Variants in ADGRB3 observed in about 807,000 individuals in gnomAD.
ADGRB3 encodes the protein adhesion G protein-coupled receptor B3.
ADGRB3 carries 37 observed loss-of-function variants against 193.4 expected under a neutral mutation model. The observed-to-expected ratio is 0.19, with a 90% CI of 0.15 to 0.25. The LOEUF is 0.25. ADGRB3 is among the 10% of genes least tolerant of loss of function. The pLI is 1.00. For synonymous variants in ADGRB3, 690 were observed against 644.2 expected, an observed-to-expected ratio of 1.07 and a Z score of -1.08; for missense variants, 1,637 against 1,852.9, an observed-to-expected ratio of 0.88 and a Z score of 2.14.
chr6:69,230,243 AT>A (rs895859944), intron 17 of ADGRB3, among the ~76,000 whole-genome samples: 5 of 152,226 alleles, frequency 3.3e-5, no homozygotes, highest in African/African-American at 1.2e-4. Flanking sequence ...TATATCTTTA[AT>A]TTTCATGTAT....
intron 13 of ADGRB3, among the ~76,000 whole-genome samples, chr6:69,031,517 G>GTCTC (rs1202196881): frequency 7.7e-4 from 5 of 6,460 alleles, no homozygotes; most frequent in East Asian, 0.028. Flanking sequence ...AATTTGAGTT[G>GTCTC]TCTCTTTCTT....
rs185093638 is a variant in ADGRB3 at position 69,211,098 on chromosome 6, G to A, written c.2481-22192G>A. On this transcript the variant is annotated intron_variant, in intron 17 of 31. Transcript: ENST00000370598. ...GATCACGCCACTGCACTCCAGCCTG[G>A]GCGAGAGAGAGAGACTCCGTCTCAA... Among the ~76,000 whole-genome samples, 211 of 152,268 alleles carry A rather than the reference G, an allele frequency of 1.4e-3. 1 individual carries two copies. Among genetic ancestry groups the A allele is most frequent in the African/African-American group, 4.8e-3 (200 of 41,548 alleles).
intron 17 of ADGRB3, among the ~76,000 whole-genome samples, chr6:69,178,759 GA>G (rs1388547262): frequency 6.6e-6 from 1 of 152,116 alleles, no homozygotes; most frequent in African/African-American, 2.4e-5. Context: ...TTTTATTTAA[GA>G]ATACTGAAAA....
At chr6:69,286,204 C>A (rs1378323971) in intron 20 of ADGRB3, among the ~76,000 whole-genome samples, 8 of 152,114 alleles carry the variant, frequency 5.3e-5, no homozygotes, top group African/African-American at 1.4e-4. Flanking sequence ...TGGTTCCAGG[C>A]ACCTTTCAGA....
chr6:68,804,189 C>T (rs1299260679), intron 3 of ADGRB3, among the ~76,000 whole-genome samples: 1 of 152,202 alleles, frequency 6.6e-6, no homozygotes, highest in Non-Finnish European at 1.5e-5. Context: ...GTAGTAACTA[C>T]ACCAGAAGGC....
rs1038271985 is a variant in ADGRB3, at chr6:69,022,196, T to A, written c.2107+3697T>A. ...TATGAATGAATGTGTATGAAAGATT[T>A]CAATTTTCAATATGCCTCTTTTTAA... On this transcript the variant is annotated intron_variant, in intron 13 of 31. Coordinates refer to ENST00000370598, the MANE Select transcript of ADGRB3 (RefSeq NM_001704.3). Among the ~76,000 whole-genome samples the A allele has an allele frequency of 3.8e-4, 57 of 151,802 alleles. 2 individuals are homozygous for A. The highest frequency in any genetic ancestry group is 3.7e-3 in the Admixed American group (57 of 15,252).
intron 3 of ADGRB3, among the ~76,000 whole-genome samples, chr6:68,814,972 T>G (rs1479516335): frequency 6.6e-6 from 1 of 152,160 alleles, no homozygotes; most frequent in East Asian, 1.9e-4. Flanking sequence ...AATTCGGTAT[T>G]GATGGGACGT....
In ADGRB3 at chr6:68,826,409, T is replaced by C. The variant is rs749622947; in HGVS notation, c.758-104150T>C. 3.1e-4 allele frequency among the ~76,000 whole-genome samples: 47 copies of C among 152,116 alleles called. 1 individual carries two copies. Among genetic ancestry groups the C allele is most frequent in the Non-Finnish European group, 4.4e-4 (30 of 68,020 alleles). On this transcript the variant is annotated intron_variant, in intron 3 of 31. Transcript: ENST00000370598. ...ATGCCCTGAAGTGTTAGGGTATAGA[T>C]AAATAAAAGCAAGGGAGTCTGCTTG...
chr6:69,007,919 T>C (rs1292877791), intron 11 of ADGRB3, among the ~76,000 whole-genome samples: 1 of 152,120 alleles, frequency 6.6e-6, no homozygotes, highest in Non-Finnish European at 1.5e-5. Flanking sequence ...TGTCTAGTGA[T>C]AGCTGCTCTC....
At chr6:69,121,412 A>G (rs1405685179) in intron 17 of ADGRB3, among the ~76,000 whole-genome samples, 1 of 152,088 alleles carries the variant, frequency 6.6e-6, no homozygotes, top group Admixed American at 6.5e-5. Context: ...TTCTTTCTAC[A>G]CAGACACAGT....
intron 3 of ADGRB3, among the ~76,000 whole-genome samples, chr6:68,863,298 T>C (rs561682334): frequency 6.6e-6 from 1 of 152,172 alleles, no homozygotes; most frequent in South Asian, 2.1e-4. Flanking sequence ...ATTAGAGAAA[T>C]TCTTAGTAAA....
intron 5 of ADGRB3, among the ~76,000 whole-genome samples, chr6:68,943,049 C>A (rs1482131166): frequency 1.3e-5 from 2 of 152,098 alleles, no homozygotes; most frequent in Admixed American, 6.5e-5. Flanking sequence ...TTGATATATT[C>A]ATATTTATGT....
chr6:69,131,796 G>A (rs1370776101), intron 17 of ADGRB3, among the ~76,000 whole-genome samples: 2 of 149,962 alleles, frequency 1.3e-5, no homozygotes, highest in Admixed American at 1.4e-4. Flanking sequence ...CCCCTGACAG[G>A]CCCTTTTGTG....
intron 17 of ADGRB3, among the ~76,000 whole-genome samples, chr6:69,100,363 C>A (rs1338194558): frequency 6.6e-6 from 1 of 151,666 alleles, no homozygotes; most frequent in Non-Finnish European, 1.5e-5. Flanking sequence ...AAATAAAAAT[C>A]AAAAAACATA....
At chr6:68,731,601 T>C (rs1404518957) in intron 3 of ADGRB3, among the ~76,000 whole-genome samples, 1 of 151,602 alleles carries the variant, frequency 6.6e-6, no homozygotes, top group East Asian at 1.9e-4. Context: ...TCATTAATGG[T>C]CAAGCTCCTG....
At chr6:68,981,708 T>C (rs1447844902) in intron 10 of ADGRB3, among the ~76,000 whole-genome samples, 1 of 151,470 alleles carries the variant, frequency 6.6e-6, no homozygotes, top group East Asian at 1.9e-4. Flanking sequence ...CAGCAAAACT[T>C]ATACAAAAAC....
chr6:68,745,883 G>A (rs1766073716), intron 3 of ADGRB3, among the ~76,000 whole-genome samples: 1 of 151,710 alleles, frequency 6.6e-6, no homozygotes, highest in Non-Finnish European at 1.5e-5. Context: ...TCTCCTTATT[G>A]CGATTTGTAA....
At chr6:69,064,313 C>G (rs774062050) in intron 16 of ADGRB3, among the ~76,000 whole-genome samples, 2 of 151,522 alleles carry the variant, frequency 1.3e-5, no homozygotes, top group Non-Finnish European at 3.0e-5. Context: ...ACTATTTAAA[C>G]TATTTAACTT....
chr6:68,958,075 C>T (rs1348257820), intron 8 of ADGRB3, among the ~76,000 whole-genome samples: 2 of 152,028 alleles, frequency 1.3e-5, no homozygotes, highest in Admixed American at 6.5e-5. Context: ...GTGGCATGCA[C>T]CTGTAATCCC....
Sources: gnomAD v4.1 joint callset for allele counts (sites outside exome capture counted in the v4.1 genomes callset) on GRCh38, gnomAD v4.1.1 for gene constraint, MANE v1.5 for transcripts, NCBI Gene and HGNC (gene_info 2026-07-23, HGNC 2026-07-21) for gene names.